The following WLS variants were observed in gnomAD, a reference collection of about 807,000 sequenced individuals.
WLS encodes the protein Wnt ligand secretion mediator, also known as protein wntless homolog.
A neutral mutation model predicts 62.8 loss-of-function variants in WLS; 23 were observed. The ratio of observed to expected loss-of-function variants is 0.37; its 90% confidence interval spans 0.26 to 0.52. The LOEUF (loss-of-function observed/expected upper bound fraction) is 0.52. Among genes scored for constraint, WLS ranks in the 20% least tolerant of loss-of-function variants. WLS has a pLI of 0.92. For synonymous variants in WLS, 246 were observed against 244.1 expected, an observed-to-expected ratio of 1.01 and a Z score of -0.07; for missense variants, 615 against 697.3, an observed-to-expected ratio of 0.88 and a Z score of 1.33.
chr1:68,161,039 C>A (rs748312597), intron 2 of WLS, among the ~76,000 whole-genome samples: 2 of 152,152 alleles, frequency 1.3e-5, no homozygotes, highest in East Asian at 1.9e-4. Flanking sequence ...CTTCTTGAAC[C>A]GTTTTAGCTC....
intron 8 of WLS, 42 bp from the exon 9 acceptor site, chr1:68,146,054 C>T: frequency 6.2e-7 from 1 of 1,605,184 alleles, no homozygotes; most frequent in Non-Finnish European, 8.5e-7. Flanking sequence ...TAGCCAAGGC[C>T]AAGTTGAGCC....
At chr1:68,110,719 G>GTA (rs1268898800) in intron 11 of WLS, among the ~76,000 whole-genome samples, 1 of 132,670 alleles carries the variant, frequency 7.5e-6, no homozygotes, top group Admixed American at 8.3e-5. Context: ...GTATGTGTAT[G>GTA]TATATATATG....
At chr1:68,190,934 T>C (rs1332716530) in intron 2 of WLS, among the ~76,000 whole-genome samples, 1 of 152,052 alleles carries the variant, frequency 6.6e-6, no homozygotes, top group African/African-American at 2.4e-5. Flanking sequence ...GGCACATGCC[T>C]ATAATCCCAG....
At chr1:68,099,458 T>G (rs909698496) in intron 11 of WLS, among the ~76,000 whole-genome samples, 1 of 152,292 alleles carries the variant, frequency 6.6e-6, no homozygotes, top group South Asian at 2.1e-4. Flanking sequence ...TCTATGTTGA[T>G]AAGATTAAAA....
intron 2 of WLS, among the ~76,000 whole-genome samples, chr1:68,186,800 C>T (rs563393174): frequency 1.1e-5 from 1 of 90,408 alleles, no homozygotes; most frequent in African/African-American, 3.5e-5. Context: ...ATATATATAA[C>T]ATAATATATA....
At chr1:68,204,427 G>C (rs1224303231) in intron 1 of WLS, among the ~76,000 whole-genome samples, 1 of 151,784 alleles carries the variant, frequency 6.6e-6, no homozygotes, top group African/African-American at 2.4e-5. Flanking sequence ...TCACGCCATT[G>C]TCCTGCCTCA....
intron 11 of WLS, among the ~76,000 whole-genome samples, chr1:68,100,304 T>TG (rs550394000): frequency 6.9e-4 from 105 of 152,260 alleles, no homozygotes; most frequent in African/African-American, 2.4e-3. Flanking sequence ...AGCTGGCCTG[T>TG]GGAGGGGTGC....
At position 68,101,463 on chromosome 1, in the gene WLS, G is replaced by GGAAA. The variant is rs142043555; in HGVS notation, c.1511-2714_1511-2711dup. Among the ~76,000 whole-genome samples, 599 of 152,240 alleles carry GGAAA rather than the reference G, an allele frequency of 3.9e-3. 3 individuals carry two copies. Among genetic ancestry groups the GGAAA allele is most frequent in the African/African-American group, 0.014 (569 of 41,522 alleles). ...CTTGTAGAGGGGAACGGGAATGTCT[G>GGAAA]GAAAGAAAGAACCTGAAGCTCAGTC... is the stretch of plus-strand genomic sequence containing the variant. On this transcript the variant is annotated intron_variant, in intron 11 of 11. Transcript: ENST00000354777.
In WLS at chr1:68,215,977, G is replaced by A. The variant is rs1649712119; in HGVS notation, c.106+16217C>T. Among the ~76,000 whole-genome samples, 3 of 152,262 alleles carry A rather than the reference G, an allele frequency of 2.0e-5. No homozygotes were observed. The South Asian group carries it at 6.2e-4, about 32-fold the overall frequency. On this transcript the variant is annotated intron_variant, in intron 1 of 11. Transcript: ENST00000262348. ...AGAAAAACTCTGGACACCCTCAGCAGGCTAAAATGTGTTGAATAAATATGT... is the reference window on the plus strand; with the variant it reads ...AGAAAAACTCTGGACACCCTCAGCAAGCTAAAATGTGTTGAATAAATATGT...
At chr1:68,112,614 A>C (rs569408880) in intron 11 of WLS, among the ~76,000 whole-genome samples, 1 of 151,456 alleles carries the variant, frequency 6.6e-6, no homozygotes, top group Non-Finnish European at 1.5e-5. Context: ...CTTTTATCCA[A>C]CTCTTTCAAG....
chr1:68,209,090 G>C (rs879743707), intron 1 of WLS, among the ~76,000 whole-genome samples: 3 of 152,140 alleles, frequency 2.0e-5, no homozygotes, highest in African/African-American at 4.8e-5. Context: ...AACATCCTTG[G>C]CTTCTACCCA....
chr1:68,107,181 T>G (rs1164895939), intron 11 of WLS, among the ~76,000 whole-genome samples: 2 of 152,206 alleles, frequency 1.3e-5, no homozygotes, highest in Non-Finnish European at 2.9e-5. Context: ...AATTACTATA[T>G]TGTGAATCTT....
At chr1:68,124,509 T>TC (rs2100369347), downstream of WLS, among the ~76,000 whole-genome samples, 1 of 151,748 alleles carries the variant, frequency 6.6e-6, no homozygotes, top group African/African-American at 2.4e-5. Flanking sequence ...AAGGTCTATC[T>TC]AAAGTCCTTT....
chr1:68,134,952 G>C (rs1025492574), intron 11 of WLS, among the ~76,000 whole-genome samples: 3 of 152,174 alleles, frequency 2.0e-5, no homozygotes, highest in African/African-American at 7.2e-5. Flanking sequence ...TGCCTCTGCA[G>C]GGTTGGCCAC....
intron 2 of WLS, among the ~76,000 whole-genome samples, chr1:68,185,491 G>C (rs968203631): frequency 1.3e-5 from 2 of 152,186 alleles, no homozygotes; most frequent in African/African-American, 2.4e-5. Context: ...AGGTGGGTGA[G>C]CAAGTATTAT....
At chr1:68,184,875 C>A (rs1165354327) in intron 2 of WLS, among the ~76,000 whole-genome samples, 4 of 152,166 alleles carry the variant, frequency 2.6e-5, no homozygotes, top group Admixed American at 1.3e-4. Flanking sequence ...TCAGCTCTTA[C>A]AGACTATTGT....
At chr1:68,131,062 T>TTGTGTGTGTGTGTGTGTG (rs6143260) in intron 11 of WLS, among the ~76,000 whole-genome samples, 2 of 146,068 alleles carry the variant, frequency 1.4e-5, no homozygotes, top group African/African-American at 2.5e-5. Flanking sequence ...CCAGCTAATT[T>TTGTGTGTGTGTGTGTGTG]TGTGTGTGTG....
intron 1 of WLS, chr1:68,231,477 C>G (rs565089941): frequency 3.5e-6 from 1 of 283,136 alleles, no homozygotes; most frequent in African/African-American, 2.2e-5. Context: ...AAAAGCAACA[C>G]CTTTCGGATA....
rs533877091 is a variant in WLS, at chr1:68,232,468, C to T, written c.-169G>A. 4.5e-6 allele frequency: 6 copies of T among 1,340,142 alleles called. No individual in the cohort carries two copies. Among genetic ancestry groups the T allele is most frequent in the Non-Finnish European group, 5.8e-6 (6 of 1,033,330 alleles). 83.0% of individuals were successfully genotyped at this position (1,340,142 alleles called of 1,614,324 possible). A position where few individuals can be genotyped will look rare whatever the true frequency, so the allele number is the denominator to read the frequency against. On this transcript the variant is annotated 5_prime_UTR_variant, in exon 1 of 12. It adds an upstream start codon to the 5' untranslated region. Transcript: ENST00000262348. Reference sequence around the variant, plus strand: ...GGGACCGGGACGGAAGGCGCCCGCACGGATTCCCCCGGCGCAGCCGGCTCG... The same window carrying T: ...GGGACCGGGACGGAAGGCGCCCGCATGGATTCCCCCGGCGCAGCCGGCTCG...
Sources: gnomAD v4.1 joint callset for allele counts (sites outside exome capture counted in the v4.1 genomes callset) on GRCh38, gnomAD v4.1.1 for gene constraint, MANE v1.5 for transcripts, NCBI Gene and HGNC (gene_info 2026-07-23, HGNC 2026-07-21) for gene names.